Variants in FAAP100 observed in about 807,000 individuals in gnomAD.
FAAP100 encodes Fanconi anemia core complex-associated protein 100.
In FAAP100, 46 loss-of-function variants were observed where a neutral mutation model predicts 65.8. The ratio of observed to expected loss-of-function variants is 0.70; its 90% CI spans 0.55 to 0.89. The LOEUF (loss-of-function observed/expected upper bound fraction) is 0.89, where lower values mean the gene tolerates loss of function less well. Among genes scored for constraint, FAAP100 ranks in the 40% least tolerant of loss-of-function variants. The probability of loss-of-function intolerance (pLI) is 0.00; values close to 1 mark genes in which losing one functional copy is unlikely to be tolerated. For missense variants in FAAP100, 1,165 were observed against 1,196.7 expected (o/e 0.97, Z 0.39); for synonymous variants, 663 against 555.1 (o/e 1.19, Z -2.73).
intron 3 of FAAP100, among the ~76,000 whole-genome samples, chr17:81,550,013 A>T (rs2033433111): frequency 1.3e-5 from 2 of 152,166 alleles, no homozygotes; most frequent in Admixed American, 1.3e-4. Flanking sequence ...GCAAACTCAG[A>T]TCCTACCAGG....
Position 81,547,681 on chromosome 17 carries a change from G to A in FAAP100, c.1404-3C>T, listed in dbSNP as rs1464903394. The A allele has an allele frequency of 6.2e-7, 1 of 1,609,168 alleles. No individual in the cohort carries two copies. The highest frequency in any genetic ancestry group is 1.7e-5 in the Admixed American group (1 of 59,942). Reference sequence around the variant, plus strand: ...CCGCCTTCTTTAGAAAAGACACTCTGCGAAGGACAGACATGACCCCCGGGA... The same window carrying A: ...CCGCCTTCTTTAGAAAAGACACTCTACGAAGGACAGACATGACCCCCGGGA... On this transcript the variant is annotated splice_region_variant and splice_polypyrimidine_tract_variant and intron_variant, in intron 4 of 8. Coordinates refer to ENST00000327787, the MANE Select transcript of FAAP100 (RefSeq NM_025161.6).
At position 81,551,132 on chromosome 17, in the gene FAAP100, T is replaced by C; in HGVS notation, c.362A>G (p.Asp121Gly). Reference protein sequence around the residue: ...QPSPVIPVDPDACILPDAALC... With the variant: ...QPSPVIPVDPGACILPDAALC... Reference sequence around the variant, plus strand: ...CGCAGCATCGGGAAGGATGCAGGCATCGGGGTCCACAGGGATCACGGGGGA... The same window carrying C: ...CGCAGCATCGGGAAGGATGCAGGCACCGGGGTCCACAGGGATCACGGGGGA... Residue 121 changes from aspartate to glycine, a missense_variant, in exon 3 of 9, where the codon GAT (aspartate) becomes GGT (glycine). Physicochemically the swap from Asp to Gly is moderately conservative, Grantham distance 94. Transcript: ENST00000327787. 6.4e-7 allele frequency: 1 copy of C among 1,550,808 alleles called. No individual in the cohort carries two copies. Among genetic ancestry groups the C allele is most frequent in the Non-Finnish European group, 8.7e-7 (1 of 1,146,978 alleles).
At chr17:81,545,670 C>A in intron 6 of FAAP100, 76 bp downstream of exon 6, 1 of 1,513,456 alleles carries the variant, frequency 6.6e-7, no homozygotes, top group Non-Finnish European at 8.9e-7. Flanking sequence ...GTGAGGGGTC[C>A]TCCCGAGCTC....
In FAAP100 at chr17:81,551,935, TGCCCGG is replaced by T; in HGVS notation, c.277_282del (p.Pro93_Gly94del). On this transcript the variant is annotated inframe_deletion, in exon 2 of 9. Coordinates refer to ENST00000327787, the MANE Select transcript of FAAP100 (RefSeq NM_025161.6). ...CCGCGGGCCCGCCCTCACCTGCTCC[TGCCCGG>T]GTGGTCCAGCGACAGGCAGTAGAGG... is the stretch of plus-strand genomic sequence containing the variant. The T allele has an allele frequency of 6.4e-7, 1 of 1,556,324 alleles. No homozygotes were observed. The highest frequency in any genetic ancestry group is 8.6e-7 in the Non-Finnish European group (1 of 1,160,486).
rs1339583169 is a variant in FAAP100, at chr17:81,540,544, C to G, written c.*275G>C. On this transcript the variant is annotated 3_prime_UTR_variant, in exon 9 of 9. Transcript: ENST00000327787. ...GCAGTGAGGAAGGCGAGTGCAGGGG[C>G]TGCGGCCGCGGTCAGAGAAGGAGAG... The G allele has an allele frequency of 1.4e-5, 6 of 434,340 alleles. No homozygotes were observed. In the South Asian group the frequency reaches 4.3e-4, roughly 31 times the overall value. The allele number at this position is 434,340 out of a possible 1,614,324, so 26.9% of individuals were successfully genotyped here.
In FAAP100 at chr17:81,544,105, G is replaced by T; in HGVS notation, c.2326C>A (p.Leu776Met). The T allele has an allele frequency of 3.7e-6, 6 of 1,611,524 alleles. No homozygotes were observed. The highest frequency in any genetic ancestry group is 5.1e-6 in the Non-Finnish European group (6 of 1,178,872). Residue 776 changes from leucine to methionine, a missense_variant, in exon 7 of 9, where the codon CTG (leucine) becomes ATG (methionine). By Grantham distance (15) the Leu-to-Met change is conservative. Transcript: ENST00000327787. ...GCCTGGATGGGCCCTGCTGGGCACA[G>T]GTCAGTCATGGCCACCTGCAACACA... is the stretch of plus-strand genomic sequence containing the variant. ...LIVREVAMTD[L>M]CPAGPIQAVE...
At position 81,549,840 on chromosome 17, in the gene FAAP100, C is replaced by A. The variant is rs1004034508; in HGVS notation, c.1246+408G>T. On this transcript the variant is annotated intron_variant, in intron 3 of 8. Transcript: ENST00000327787. Reference sequence around the variant, plus strand: ...CTGCCTTTGGTCCAGAGCAGACTCACGGGCAAGCCACACCATGACACGAGC... The same window carrying A: ...CTGCCTTTGGTCCAGAGCAGACTCAAGGGCAAGCCACACCATGACACGAGC... Among the ~76,000 whole-genome samples the A allele has an allele frequency of 2.6e-5, 4 of 152,330 alleles. No homozygotes were observed. In the East Asian group the frequency reaches 7.7e-4, roughly 29 times the overall value.
rs139604543 is a variant in FAAP100 at position 81,549,214 on chromosome 17, G to A, written c.1395C>T (p.Ile465=). 2.3e-5 allele frequency: 37 copies of A among 1,612,304 alleles called. No homozygotes were observed. In the African/African-American group the frequency reaches 4.7e-4, roughly 20 times the overall value. ...CGAGCTGAGCTGCTCACCTCTCAGA[G>A]ATGTTGCCAATTCCAGACAGCAGCT... ...IKELLSGIGN[I]SERVSFLKKA... is the part of the protein sequence containing the mutation. The change falls in exon 4 of 9, where the codon ATC becomes ATT. Residue 465 remains isoleucine (I), a synonymous_variant. Coordinates refer to ENST00000327787, the MANE Select transcript of FAAP100 (RefSeq NM_025161.6).
chr17:81,542,091 C>T lies in FAAP100; in HGVS notation c.2428-696G>A, dbSNP rs1471233021. On this transcript the variant is annotated intron_variant, in intron 7 of 8. Transcript: ENST00000327787. ...CTGAGGCAGGAGAATGGCGTGAACCCAGGAGGCGGAGCTTGCAGTGAGCCG... is the reference window on the plus strand; with the variant it reads ...CTGAGGCAGGAGAATGGCGTGAACCTAGGAGGCGGAGCTTGCAGTGAGCCG... Among the ~76,000 whole-genome samples, 527 of 136,160 alleles carry T rather than the reference C, an allele frequency of 3.9e-3. 1 individual carries two copies. The highest frequency in any genetic ancestry group is 6.7e-3 in the Admixed American group (87 of 12,930). 89.3% of individuals were successfully genotyped at this position (136,160 alleles called of 152,430 possible).
At chr17:81,543,227 TGGCGTCA>T (rs2033182103) in intron 7 of FAAP100, among the ~76,000 whole-genome samples, 1 of 152,182 alleles carries the variant, frequency 6.6e-6, no homozygotes, top group Admixed American at 6.5e-5. Context: ...GGAGTCAAGC[TGGCGTCA>T]GGCTGCAGGC....
rs745499268 is a variant in FAAP100, at chr17:81,545,724, G to A, written c.2310+22C>T. The A allele has an allele frequency of 1.5e-4, 238 of 1,599,384 alleles. 1 individual carries two copies. In the Admixed American group the frequency reaches 3.6e-3, roughly 24 times the overall value. ...CCAAGAACTGCTGGTGCCGTGGCTCGTTTCCCTGAACCCCTGCTTGCCTCT... is the reference window on the plus strand; with the variant it reads ...CCAAGAACTGCTGGTGCCGTGGCTCATTTCCCTGAACCCCTGCTTGCCTCT... On this transcript the variant is annotated intron_variant, in intron 6 of 8. Coordinates refer to ENST00000327787, the MANE Select transcript of FAAP100 (RefSeq NM_025161.6).
intron 7 of FAAP100, 117 bp downstream of exon 7, chr17:81,543,887 C>A (rs754720147): frequency 8.4e-6 from 8 of 947,112 alleles, no homozygotes; most frequent in African/African-American, 1.6e-5. Flanking sequence ...TTGGATCTTC[C>A]TACAACTCCC....
chr17:81,549,064 AAAAAAAAAAGAG>A (rs1314941397), intron 4 of FAAP100, 130 bp downstream of exon 4: 2 of 524,988 alleles, frequency 3.8e-6, no homozygotes, highest in Admixed American at 4.4e-5. Flanking sequence ...AAAAAAAAAA[AAAAAAAAAAGAG>A]GCCAAGTAAT....
chr17:81,551,110 AGCATCGGGAAGGATGCAG>A lies in FAAP100; in HGVS notation c.366_383del (p.Cys123_Ala128del). On this transcript the variant is annotated inframe_deletion, in exon 3 of 9. Transcript: ENST00000327787. ...CCAGCAAGGTGAACGCGCACAGCGC[AGCATCGGGAAGGATGCAG>A]GCATCGGGGTCCACAGGGATCACGG... is the stretch of plus-strand genomic sequence containing the variant. The A allele has an allele frequency of 6.4e-7, 1 of 1,555,512 alleles. No individual in the cohort carries two copies. Among genetic ancestry groups the A allele is most frequent in the East Asian group, 2.4e-5 (1 of 41,156 alleles).
chr17:81,547,173 C>T lies in FAAP100; in HGVS notation c.1909G>A (p.Gly637Ser), dbSNP rs1315478685. Residue 637 changes from glycine (G) to serine (S), a missense_variant, in exon 5 of 9, where the codon GGT (glycine) becomes AGT (serine). Physicochemically the swap from Gly to Ser is moderately conservative, Grantham distance 56 (BLOSUM62 0). Transcript: ENST00000327787. ...TGCCTGCTCAGGGGCAGGCAAACAC[C>T]CTCTTGCTCGGGCAGGACGTCGGAG... ...CPSDVLPEQE[G>S]VCLPLSRHTV... 7 of 1,547,346 alleles carry T rather than the reference C, an allele frequency of 4.5e-6. No homozygotes were observed. Among genetic ancestry groups the T allele is most frequent in the African/African-American group, 4.1e-5 (3 of 73,360 alleles).
intron 7 of FAAP100, among the ~76,000 whole-genome samples, chr17:81,543,561 G>A (rs1439690449): frequency 2.6e-5 from 4 of 152,108 alleles, no homozygotes; most frequent in Admixed American, 6.5e-5. Flanking sequence ...GGCTGTGAGT[G>A]GGGGGAACTG....
rs969623726 is a variant in FAAP100, at chr17:81,540,074, C to A, written c.*745G>T. ...GAGGCTGGGGGCTGGGGCTCAGGGCCCCCCCCCGGGCCACAGCGCCACCCT... is the reference window on the plus strand; with the variant it reads ...GAGGCTGGGGGCTGGGGCTCAGGGCACCCCCCCGGGCCACAGCGCCACCCT... On this transcript the variant is annotated 3_prime_UTR_variant, in exon 9 of 9. Coordinates refer to ENST00000327787, the MANE Select transcript of FAAP100 (RefSeq NM_025161.6). The A allele has an allele frequency of 3.8e-5, 13 of 340,782 alleles. No homozygotes were observed. Among genetic ancestry groups the A allele is most frequent in the African/African-American group, 1.6e-4 (6 of 37,388 alleles). 21.1% of individuals were successfully genotyped at this position (340,782 alleles called of 1,614,324 possible).
rs2033473451 is a variant in FAAP100, at chr17:81,550,990, G to A, written c.504C>T (p.Gly168=). The A allele has an allele frequency of 5.0e-6, 8 of 1,611,746 alleles. No individual in the cohort carries two copies. The highest frequency in any genetic ancestry group is 5.9e-6 in the Non-Finnish European group (7 of 1,179,456). The change falls in exon 3 of 9, where the codon GGC becomes GGT. Residue 168 remains glycine, a synonymous_variant. Transcript: ENST00000327787. ...PCPGEDPRPG[G]QIGEVELSSY... ...AGGACAGCTCCACCTCACCGATCTGGCCTCCTGGCCGGGGGTCCTCCCCAG... is the reference window on the plus strand; with the variant it reads ...AGGACAGCTCCACCTCACCGATCTGACCTCCTGGCCGGGGGTCCTCCCCAG...
chr17:81,548,446 G>T, intron 4 of FAAP100: 1 of 175,562 alleles, frequency 5.7e-6, no homozygotes, highest in Non-Finnish European at 1.2e-5. Flanking sequence ...CATCTTAAGA[G>T]GACAAGTAAC....
Sources: allele counts gnomAD v4.1 joint callset (sites outside exome capture counted in the v4.1 genomes callset), GRCh38; gene constraint gnomAD v4.1.1; transcripts MANE v1.5; gene names NCBI Gene and HGNC (gene_info 2026-07-23, HGNC 2026-07-21).